KLF13: variants seen among roughly 807,000 people sequenced by gnomAD.
KLF13 encodes KLF transcription factor 13, also known as Krueppel-like factor 13.
A neutral mutation model predicts 16.7 loss-of-function variants in KLF13; 8 were observed. That is an observed-to-expected ratio of 0.48 (90% CI 0.28 to 0.87). The LOEUF (loss-of-function observed/expected upper bound fraction) is 0.87, where lower values mean the gene tolerates loss of function less well. Among genes scored for constraint, KLF13 ranks in the 40% least tolerant of loss-of-function variants. The pLI is 0.10. For missense variants in KLF13, 447 were observed against 452.2 expected (o/e 0.99, Z 0.10); for synonymous variants, 245 against 208.4 (o/e 1.18, Z -1.51).
At chr15:31,382,778 TC>T (rs2039742744), downstream of KLF13, among the ~76,000 whole-genome samples, 1 of 152,228 alleles carries the variant, frequency 6.6e-6, no homozygotes, top group Non-Finnish European at 1.5e-5. Context: ...TAGCTGTGAC[TC>T]CCTGTGCCCA....
chr15:31,370,984 A>G (rs1323188659), intron 1 of KLF13, among the ~76,000 whole-genome samples: 1 of 151,846 alleles, frequency 6.6e-6, no homozygotes, highest in African/African-American at 2.4e-5. Context: ...TCTGTTGAAC[A>G]TGGGTAGACC....
intron 1 of KLF13, among the ~76,000 whole-genome samples, chr15:31,354,980 A>G (rs540283007): frequency 5.3e-5 from 8 of 152,180 alleles, no homozygotes; most frequent in Non-Finnish European, 1.2e-4. Flanking sequence ...ATGACTTGGT[A>G]TTGGGAATTG....
chr15:31,359,947 A>C (rs1282756483), intron 1 of KLF13, among the ~76,000 whole-genome samples: 1 of 152,066 alleles, frequency 6.6e-6, no homozygotes, highest in East Asian at 1.9e-4. Context: ...TGGGGGAGGG[A>C]GGCAGGTAGG....
intron 1 of KLF13, among the ~76,000 whole-genome samples, chr15:31,369,789 A>G (rs2039529101): frequency 1.3e-5 from 2 of 152,218 alleles, no homozygotes; most frequent in South Asian, 4.1e-4. Context: ...TGTGTGAGAC[A>G]TTAACTTGGA....
intron 1 of KLF13, among the ~76,000 whole-genome samples, chr15:31,335,435 A>ATG (rs71110867): frequency 0.041 from 1,420 of 34,858 alleles, 38 homozygotes; most frequent in African/African-American, 0.079. Context: ...GTGTGTGTGT[A>ATG]TGTGTGTGTG....
At chr15:31,327,822 C>T (rs781523990) in intron 1 of KLF13, 33 bp downstream of exon 1, 2 of 1,420,004 alleles carry the variant, frequency 1.4e-6, no homozygotes, top group East Asian at 3.0e-5. Flanking sequence ...CCGGATCGCG[C>T]GGACGGGGTC....
chr15:31,346,429 C>T (rs72722828), intron 1 of KLF13, among the ~76,000 whole-genome samples: 1 of 152,056 alleles, frequency 6.6e-6, no homozygotes, highest in African/African-American at 2.4e-5. Flanking sequence ...ACCGCTGTTA[C>T]CAGTATTCAG....
intron 1 of KLF13, among the ~76,000 whole-genome samples, chr15:31,428,416 A>G (rs561845917): frequency 2.0e-4 from 30 of 152,364 alleles, no homozygotes; most frequent in Non-Finnish European, 2.9e-4. Context: ...AGGTCAATTT[A>G]TCATAAATTC....
intron 1 of KLF13, among the ~76,000 whole-genome samples, chr15:31,387,353 A>G (rs1745436397): frequency 6.6e-6 from 1 of 152,276 alleles, no homozygotes; most frequent in Non-Finnish European, 1.5e-5. Context: ...AAGACCTTCC[A>G]GCAGGAAAAA....
intron 1 of KLF13, among the ~76,000 whole-genome samples, chr15:31,353,205 C>G (rs1392220384): frequency 6.6e-6 from 1 of 152,216 alleles, no homozygotes; most frequent in African/African-American, 2.4e-5. Context: ...CTGGAGGTAT[C>G]AAAGCAGGGG....
At chr15:31,367,791 C>T (rs142714810) in intron 1 of KLF13, among the ~76,000 whole-genome samples, 7 of 152,294 alleles carry the variant, frequency 4.6e-5, no homozygotes, top group East Asian at 1.9e-4. Context: ...GCCGGTCGTG[C>T]GCAGCCCCAT....
chr15:31,353,071 T>G (rs983693946), intron 1 of KLF13, among the ~76,000 whole-genome samples: 1 of 152,116 alleles, frequency 6.6e-6, no homozygotes, highest in African/African-American at 2.4e-5. Flanking sequence ...GCAGAGGTAG[T>G]GACAGGGAAG....
chr15:31,332,476 A>G (rs1372726415), intron 1 of KLF13, among the ~76,000 whole-genome samples: 1 of 152,176 alleles, frequency 6.6e-6, no homozygotes, highest in Non-Finnish European at 1.5e-5. Context: ...GAGCAGTAGG[A>G]TGGGGGCTGG....
intron 1 of KLF13, among the ~76,000 whole-genome samples, chr15:31,429,193 G>A (rs1035280239): frequency 2.0e-5 from 3 of 151,162 alleles, no homozygotes; most frequent in East Asian, 3.9e-4. Context: ...AAAGGACAGC[G>A]TTTTCAGTGC....
chr15:31,407,444 G>T (rs1258974745), downstream of KLF13, among the ~76,000 whole-genome samples: 3 of 152,206 alleles, frequency 2.0e-5, no homozygotes, highest in African/African-American at 7.2e-5. Context: ...ATGTGCTAAG[G>T]AGAAATAGAA....
intron 1 of KLF13, among the ~76,000 whole-genome samples, chr15:31,341,537 C>CTTTTTTT (rs34870652): frequency 2.5e-5 from 3 of 121,484 alleles, no homozygotes; most frequent in African/African-American, 6.3e-5. Context: ...CAATTCAGAA[C>CTTTTTTT]TTTTTTTTTT....
intron 1 of KLF13, among the ~76,000 whole-genome samples, chr15:31,328,743 C>T (rs1012731662): frequency 1.3e-5 from 2 of 152,210 alleles, no homozygotes; most frequent in Admixed American, 6.5e-5. Flanking sequence ...GGTTCCCTCC[C>T]CCCTTTTTGT....
In KLF13 at chr15:31,327,656, A is replaced by T; in HGVS notation, c.444A>T (p.Arg148Ser). ...GPAGSGEPGL[R>S]QRVRRGRSRA... The stretch of plus-strand genomic sequence containing the variant: ...CGGGGAGCGGCGAGCCCGGCCTCAG[A>T]CAAAGGGTCCGGCGGGGCCGAAGTC... Residue 148 changes from arginine (R) to serine (S), a missense_variant, in exon 1 of 2, where the codon AGA (arginine) becomes AGT (serine). By Grantham distance (110) the Arg-to-Ser change is moderately radical. Coordinates refer to ENST00000307145, the MANE Select transcript of KLF13 (RefSeq NM_015995.4). The T allele has an allele frequency of 6.7e-7, 1 of 1,483,546 alleles. No individual in the cohort carries two copies. Among genetic ancestry groups the T allele is most frequent in the Non-Finnish European group, 9.0e-7 (1 of 1,110,146 alleles). 91.9% of individuals were successfully genotyped at this position (1,483,546 alleles called of 1,614,324 possible).
intron 1 of KLF13, among the ~76,000 whole-genome samples, chr15:31,413,291 A>G (rs910651312): frequency 1.3e-5 from 2 of 151,908 alleles, no homozygotes; most frequent in Admixed American, 6.6e-5. Context: ...AGGAGAGGAG[A>G]GAAAGGAGAA....
Sources: allele counts gnomAD v4.1 joint callset (sites outside exome capture counted in the v4.1 genomes callset), GRCh38; gene constraint gnomAD v4.1.1; transcripts MANE v1.5; gene names NCBI Gene and HGNC (gene_info 2026-07-23, HGNC 2026-07-21).